Variants in SGSM1 observed in about 807,000 individuals in gnomAD.
The protein encoded by SGSM1 is small G protein signaling modulator 1, also known as RUN and TBC1 domain containing 2.
A neutral mutation model predicts 133.8 loss-of-function variants in SGSM1; 73 were observed. That is an observed-to-expected ratio of 0.55 (90% confidence interval 0.45 to 0.66). The LOEUF is 0.66. SGSM1 is among the 30% of genes least tolerant of loss of function. SGSM1 has a pLI of 0.00. For missense variants in SGSM1, 1,213 were observed against 1,448.1 expected (o/e 0.84, Z 2.64); for synonymous variants, 563 against 573.0 (o/e 0.98, Z 0.25).
chr22:24,837,293 T>C (rs139648), intron 2 of SGSM1, among the ~76,000 whole-genome samples: 121,373 of 152,190 alleles, frequency 0.8, 49,274 homozygotes, highest in African/African-American at 0.94. Flanking sequence ...GCCTGGCAGC[T>C]GAGGCAGAGA....
At chr22:24,826,627 A>G (rs564782262) in intron 2 of SGSM1, among the ~76,000 whole-genome samples, 8 of 152,312 alleles carry the variant, frequency 5.3e-5, no homozygotes, top group Non-Finnish European at 1.0e-4. Flanking sequence ...ATGTATAAAG[A>G]GAGGTCAAGT....
intron 2 of SGSM1, among the ~76,000 whole-genome samples, chr22:24,835,867 G>A (rs1929397730): frequency 6.6e-6 from 1 of 152,186 alleles, no homozygotes; most frequent in African/African-American, 2.4e-5. Flanking sequence ...GTTCTGGGCA[G>A]AGGAGGGACG....
chr22:24,917,560 A>G (rs1051071321), intron 22 of SGSM1, 98 bp from the exon 23 acceptor site: 4 of 757,596 alleles, frequency 5.3e-6, no homozygotes, highest in East Asian at 2.6e-5. Flanking sequence ...TAAGGACCGT[A>G]TGGTGTCTGG....
chr22:24,879,238 A>G (rs563713499), intron 13 of SGSM1, among the ~76,000 whole-genome samples: 2 of 152,150 alleles, frequency 1.3e-5, no homozygotes, highest in African/African-American at 2.4e-5. Context: ...TACAAACCAC[A>G]CAGACAGTTG....
intron 22 of SGSM1, among the ~76,000 whole-genome samples, chr22:24,914,827 A>G (rs887055101): frequency 6.6e-6 from 1 of 152,030 alleles, no homozygotes; most frequent in African/African-American, 2.4e-5. Flanking sequence ...GCATTCTATC[A>G]CATTTGATTT....
intron 2 of SGSM1, among the ~76,000 whole-genome samples, chr22:24,828,805 C>T (rs1318555607): frequency 2.6e-5 from 4 of 152,146 alleles, no homozygotes; most frequent in Non-Finnish European, 1.5e-5. Flanking sequence ...TTCACAATAG[C>T]GAAGGCATGG....
At position 24,845,940 on chromosome 22, in the gene SGSM1, CTTTT is replaced by C. The variant is rs879874270; in HGVS notation, c.139+969_139+972del. ...TTGGGCAAGATCTTTCTTTTCTTTT[CTTTT>C]CTTTCTTTCTTTCTTTCTTTCTTTC... On this transcript the variant is annotated intron_variant, in intron 3 of 24. Transcript: ENST00000400358. Among the ~76,000 whole-genome samples, 827 of 130,798 alleles carry C rather than the reference CTTTT, an allele frequency of 6.3e-3. 4 individuals carry two copies. The highest frequency in any genetic ancestry group is 0.027 in the Middle Eastern group (7 of 262). The allele number at this position is 130,798 out of a possible 152,430, so 85.8% of individuals were successfully genotyped here. A position where few individuals can be genotyped will look rare whatever the true frequency, so the allele number is the denominator to read the frequency against.
chr22:24,904,234 G>A (rs780129533), intron 20 of SGSM1, among the ~76,000 whole-genome samples: 27 of 152,080 alleles, frequency 1.8e-4, no homozygotes, highest in Non-Finnish European at 3.4e-4. Flanking sequence ...GGGTGCAATG[G>A]CTCATGCCTG....
At chr22:24,885,550 T>C (rs754347537) in intron 15 of SGSM1, among the ~76,000 whole-genome samples, 7 of 151,756 alleles carry the variant, frequency 4.6e-5, no homozygotes, top group Non-Finnish European at 8.8e-5. Context: ...GCGATTCTTC[T>C]GCTTCAGCCT....
At chr22:24,843,507 A>G (rs1463793006) in intron 2 of SGSM1, 3 of 152,256 alleles carry the variant, frequency 2.0e-5, no homozygotes, top group Non-Finnish European at 4.4e-5. Context: ...GGGTGGGGGT[A>G]ACTCAGAACT....
At chr22:24,870,887 G>A (rs1020923083) in intron 12 of SGSM1, among the ~76,000 whole-genome samples, 1 of 152,118 alleles carries the variant, frequency 6.6e-6, no homozygotes, top group Non-Finnish European at 1.5e-5. Flanking sequence ...TACCTCTATT[G>A]GTAACTTGCT....
Position 24,924,380 on chromosome 22 carries a change from T to A in SGSM1, c.*106T>A. 1.1e-6 allele frequency: 1 copy of A among 935,950 alleles called. No homozygotes were observed. 58.0% of individuals were successfully genotyped at this position (935,950 alleles called of 1,614,324 possible). A position where few individuals can be genotyped will look rare whatever the true frequency, so the allele number is the denominator to read the frequency against. ...ACCCCGGGAGCGGGGTCCTGGTGTCTGTTCACAAGCGTGGAGTTCAGTGCG... is the reference window on the plus strand; with the variant it reads ...ACCCCGGGAGCGGGGTCCTGGTGTCAGTTCACAAGCGTGGAGTTCAGTGCG... On this transcript the variant is annotated 3_prime_UTR_variant, in exon 25 of 25. Coordinates refer to ENST00000400358, the MANE Select transcript of SGSM1 (RefSeq NM_001098497.3).
At chr22:24,897,262 C>G (rs1162367108) in intron 18 of SGSM1, among the ~76,000 whole-genome samples, 1 of 151,962 alleles carries the variant, frequency 6.6e-6, no homozygotes, top group Non-Finnish European at 1.5e-5. Context: ...TGCCTGTAAT[C>G]CCAGCTACTC....
At chr22:24,891,408 G>A (rs1932812097) in intron 16 of SGSM1, among the ~76,000 whole-genome samples, 1 of 152,090 alleles carries the variant, frequency 6.6e-6, no homozygotes, top group African/African-American at 2.4e-5. Context: ...GAGAAGTGTG[G>A]GAAGCATAGG....
chr22:24,913,871 A>C (rs911186245), intron 22 of SGSM1, among the ~76,000 whole-genome samples: 4 of 151,652 alleles, frequency 2.6e-5, no homozygotes, highest in Admixed American at 1.3e-4. Context: ...AAATACAAAC[A>C]TTGGCCGGGG....
chr22:24,827,165 T>C (rs905252442), intron 2 of SGSM1, among the ~76,000 whole-genome samples: 4 of 151,970 alleles, frequency 2.6e-5, no homozygotes, highest in African/African-American at 9.7e-5. Context: ...CAAGTTAATG[T>C]GGAACCTGGC....
intron 2 of SGSM1, among the ~76,000 whole-genome samples, chr22:24,835,986 TG>T (rs1929404357): frequency 6.6e-6 from 1 of 152,214 alleles, no homozygotes; most frequent in South Asian, 2.1e-4. Flanking sequence ...ATATAAAATG[TG>T]CCTTCTTAAC....
chr22:24,885,412 G>A (rs1271869550), intron 15 of SGSM1, among the ~76,000 whole-genome samples: 5 of 135,390 alleles, frequency 3.7e-5, no homozygotes, highest in African/African-American at 8.3e-5. Flanking sequence ...TTTTTTTTTC[G>A]ATTAGCGACA....
chr22:24,924,141 G>T (rs777215023), intron 24 of SGSM1, 45 bp from the exon 25 acceptor site: 2 of 1,577,330 alleles, frequency 1.3e-6, no homozygotes, highest in Non-Finnish European at 1.7e-6. Flanking sequence ...CCCTAAGACT[G>T]GACACAGAAG....
Sources: allele counts gnomAD v4.1 joint callset (sites outside exome capture counted in the v4.1 genomes callset), GRCh38; gene constraint gnomAD v4.1.1; transcripts MANE v1.5; gene names NCBI Gene and HGNC (gene_info 2026-07-23, HGNC 2026-07-21).